The following FAM98B variants were observed in gnomAD, a reference collection of about 807,000 sequenced individuals.
FAM98B encodes tRNA splicing ligase complex subunit 3B.
In FAM98B, 32 loss-of-function variants were observed where a neutral mutation model predicts 43.9. The observed-to-expected ratio is 0.73, with a 90% confidence interval of 0.55 to 0.98. The LOEUF (loss-of-function observed/expected upper bound fraction) is 0.98. Ranked by LOEUF, FAM98B falls within the 50% of genes least tolerant of loss-of-function variation. FAM98B has a pLI of 0.00. For missense variants in FAM98B, 514 were observed against 522.9 expected (o/e 0.98, Z 0.17); for synonymous variants, 190 against 174.0 (o/e 1.09, Z -0.72).
At chr15:38,481,620 T>C (rs1220040162) in intron 7 of FAM98B, 161 bp downstream of exon 7, 2 of 1,572,190 alleles carry the variant, frequency 1.3e-6, no homozygotes, top group Admixed American at 3.6e-5. Context: ...TTTGTGTATG[T>C]GTGTATGTTC....
In FAM98B at chr15:38,481,575, G is replaced by A. The variant is rs1327023435; in HGVS notation, c.897+116G>A. 4 of 1,611,960 alleles carry A rather than the reference G, an allele frequency of 2.5e-6. No homozygotes were observed. The African/African-American group carries it at 5.3e-5, about 22-fold the overall frequency. ...TGGTAAATGTTTAGAAAAAAGAGTG[G>A]CAGGGGGGTTCAGTCTAGGCTTAGT... On this transcript the variant is annotated intron_variant, in intron 7 of 7. Coordinates refer to ENST00000397609, the MANE Select transcript of FAM98B (RefSeq NM_173611.4).
rs1171279868 is a variant in FAM98B at position 38,479,142 on chromosome 15, A to AT, written c.730-2144dup. On this transcript the variant is annotated intron_variant, in intron 6 of 7. Transcript: ENST00000397609. ...CCTGGCTAATTAAAAATTTTGTTTT[A>AT]TTTTTTATAGAGACAGGGTTTTGCC... Among the ~76,000 whole-genome samples, 8 of 151,882 alleles carry AT rather than the reference A, an allele frequency of 5.3e-5. No individual in the cohort carries two copies. The East Asian group carries it at 1.2e-3, about 22-fold the overall frequency.
intron 1 of FAM98B, among the ~76,000 whole-genome samples, chr15:38,457,494 G>A (rs560202214): frequency 3.3e-5 from 5 of 152,138 alleles, no homozygotes; most frequent in Non-Finnish European, 7.4e-5. Flanking sequence ...GTGAGTGGTC[G>A]AAGAAGCAAG....
At chr15:38,470,481 T>A (rs1890113770) in intron 4 of FAM98B, 76 bp downstream of exon 4, 1 of 1,286,016 alleles carries the variant, frequency 7.8e-7, no homozygotes, top group Non-Finnish European at 1.1e-6. Flanking sequence ...AATGAAACTA[T>A]TCCCTATAAT....
At chr15:38,464,528 TA>T (rs1179488494) in intron 2 of FAM98B, among the ~76,000 whole-genome samples, 1 of 151,970 alleles carries the variant, frequency 6.6e-6, no homozygotes, top group African/African-American at 2.4e-5. Flanking sequence ...AATTAAGGCT[TA>T]AAATATTATA....
At chr15:38,474,559 G>A (rs953453202) in intron 6 of FAM98B, among the ~76,000 whole-genome samples, 7 of 152,048 alleles carry the variant, frequency 4.6e-5, no homozygotes, top group African/African-American at 1.7e-4. Flanking sequence ...ATAAAAGAAG[G>A]GGCATCATAT....
intron 6 of FAM98B, among the ~76,000 whole-genome samples, chr15:38,474,978 G>C (rs1890176344): frequency 6.6e-6 from 1 of 152,174 alleles, no homozygotes. Context: ...CATCACATGG[G>C]TTATCCAGTT....
At chr15:38,467,292 A>C (rs1325173002) in intron 3 of FAM98B, among the ~76,000 whole-genome samples, 1 of 152,212 alleles carries the variant, frequency 6.6e-6, no homozygotes, top group Non-Finnish European at 1.5e-5. Context: ...TGCAACATGT[A>C]TAAAATTAAA....
chr15:38,487,556 C>T lies in FAM98B; in HGVS notation c.*2897C>T, dbSNP rs569884311. On this transcript the variant is annotated 3_prime_UTR_variant, in exon 8 of 8. Transcript: ENST00000397609. ...TCTAAATGTTCCAGAATGCATTCCACAGAGGAATTTGAGTGACTGAAATTT... is the reference window on the plus strand; with the variant it reads ...TCTAAATGTTCCAGAATGCATTCCATAGAGGAATTTGAGTGACTGAAATTT... 6.6e-6 allele frequency: 1 copy of T among 152,018 alleles called. No homozygotes were observed. The highest frequency in any genetic ancestry group is 1.5e-5 in the Non-Finnish European group (1 of 67,918). The allele number at this position is 152,018 out of a possible 1,614,324, so 9.4% of individuals were successfully genotyped here.
chr15:38,456,139 G>C (rs1431153957), intron 1 of FAM98B, among the ~76,000 whole-genome samples: 1 of 152,220 alleles, frequency 6.6e-6, no homozygotes, highest in Non-Finnish European at 1.5e-5. Flanking sequence ...AAATCTATGT[G>C]AAAGGACAAT....
intron 3 of FAM98B, among the ~76,000 whole-genome samples, chr15:38,466,284 T>C (rs1890030458): frequency 6.6e-6 from 1 of 151,932 alleles, no homozygotes; most frequent in African/African-American, 2.4e-5. Context: ...ATAAAAATTA[T>C]ATGCCCTCTC....
At chr15:38,472,059 A>G (rs983663322) in intron 4 of FAM98B, among the ~76,000 whole-genome samples, 1 of 152,144 alleles carries the variant, frequency 6.6e-6, no homozygotes, top group African/African-American at 2.4e-5. Flanking sequence ...CAAATTTCTA[A>G]ATGGTGGTAG....
In FAM98B at chr15:38,473,377, A is replaced by G. The variant is rs1011720559; in HGVS notation, c.532-128A>G. 6.4e-6 allele frequency: 4 copies of G among 624,618 alleles called. No individual in the cohort carries two copies. In the South Asian group the frequency reaches 7.5e-5, roughly 12 times the overall value. 38.7% of individuals were successfully genotyped at this position (624,618 alleles called of 1,614,324 possible). A position where few individuals can be genotyped will look rare whatever the true frequency, so the allele number is the denominator to read the frequency against. ...TATTGTAGTGGTATTCTGGTATATGATGGTATATTTTAATTATGTCACTTT... is the reference window on the plus strand; with the variant it reads ...TATTGTAGTGGTATTCTGGTATATGGTGGTATATTTTAATTATGTCACTTT... On this transcript the variant is annotated intron_variant, in intron 4 of 7. Coordinates refer to ENST00000397609, the MANE Select transcript of FAM98B (RefSeq NM_173611.4).
At chr15:38,476,104 G>T (rs1004381231) in intron 6 of FAM98B, among the ~76,000 whole-genome samples, 1 of 152,078 alleles carries the variant, frequency 6.6e-6, no homozygotes, top group Admixed American at 6.6e-5. Context: ...GGTGATTTTT[G>T]TCAATCTCTT....
chr15:38,459,054 T>C, intron 1 of FAM98B: 1 of 344,212 alleles, frequency 2.9e-6, no homozygotes, highest in Non-Finnish European at 5.8e-6. Context: ...AGGGTTGGCA[T>C]ACTTGGCCAG....
At chr15:38,473,609 G>A in intron 5 of FAM98B, 24 bp downstream of exon 5, 1 of 1,565,714 alleles carries the variant, frequency 6.4e-7, no homozygotes, top group Non-Finnish European at 8.7e-7. Context: ...TTTGTTATTA[G>A]TTTTATGTAA....
At position 38,481,583 on chromosome 15, in the gene FAM98B, G is replaced by T. The variant is rs185746275; in HGVS notation, c.897+124G>T. The T allele has an allele frequency of 3.7e-4, 603 of 1,611,076 alleles. 3 individuals are homozygous for T. In the African/African-American group the frequency reaches 7.2e-3, roughly 19 times the overall value. ...GTTTAGAAAAAAGAGTGGCAGGGGG[G>T]TTCAGTCTAGGCTTAGTTATGTTAT... On this transcript the variant is annotated intron_variant, in intron 7 of 7. Coordinates refer to ENST00000397609, the MANE Select transcript of FAM98B (RefSeq NM_173611.4).
At chr15:38,454,274 T>A (rs1242155779) in intron 1 of FAM98B, 42 bp downstream of exon 1, 9 of 1,567,038 alleles carry the variant, frequency 5.7e-6, no homozygotes, top group Non-Finnish European at 7.8e-6. Flanking sequence ...AAACGCAACC[T>A]CTCCTTGGCC....
Position 38,470,337 on chromosome 15 carries a change from G to C in FAM98B, c.463G>C (p.Asp155His), listed in dbSNP as rs748604740. The C allele has an allele frequency of 3.1e-6, 5 of 1,606,510 alleles. No individual in the cohort carries two copies. The highest frequency in any genetic ancestry group is 4.2e-6 in the Non-Finnish European group (5 of 1,177,940). Residue 155 changes from aspartate to histidine, a missense_variant, in exon 4 of 8, where the codon GAT (aspartate) becomes CAT (histidine). This residue lies in a region of FAM98B where 469 missense variants were observed against 451.8 expected (regional missense o/e 1.04). Transcript: ENST00000397609. ...EVYQEVQAMF[D>H]TLGIPKSTTS... ...TTATCAGGAAGTTCAAGCTATGTTT[G>C]ATACACTTGGTATACCCAAGTCAAC...
Sources: allele counts gnomAD v4.1 joint callset (sites outside exome capture counted in the v4.1 genomes callset), GRCh38; gene constraint gnomAD v4.1.1; regional missense constraint gnomAD v4.1.1; transcripts MANE v1.5; gene names NCBI Gene and HGNC (gene_info 2026-07-23, HGNC 2026-07-21).